RAPGEF6: variants seen among roughly 807,000 people sequenced by gnomAD.
RAPGEF6 encodes Rap guanine nucleotide exchange factor 6.
Under a neutral mutation model 171.4 loss-of-function variants are expected in RAPGEF6, and 56 were observed. The observed-to-expected ratio is 0.33, with a 90% CI of 0.26 to 0.41. RAPGEF6 has a LOEUF of 0.41. Among genes scored for constraint, RAPGEF6 ranks in the 10% least tolerant of loss-of-function variants. RAPGEF6 has a pLI of 1.00. For missense variants in RAPGEF6, 1,674 were observed against 1,921.4 expected, an observed-to-expected ratio of 0.87 and a Z score of 2.41; for synonymous variants, 692 against 650.1, an observed-to-expected ratio of 1.06 and a Z score of -0.98.
At chr5:131,521,651 A>G in intron 6 of RAPGEF6, 130 bp from the exon 7 acceptor site, 1 of 718,542 alleles carries the variant, frequency 1.4e-6, no homozygotes, top group Non-Finnish European at 2.1e-6. Context: ...CTCTACTTTC[A>G]GCAAAAAGAT....
chr5:131,484,866 G>A (rs763177991), intron 15 of RAPGEF6, among the ~76,000 whole-genome samples: 1 of 152,100 alleles, frequency 6.6e-6, no homozygotes, highest in Non-Finnish European at 1.5e-5. Flanking sequence ...TAGTATTTTA[G>A]TTTTCAAAAT....
intron 22 of RAPGEF6, among the ~76,000 whole-genome samples, chr5:131,445,863 T>C (rs1215412921): frequency 6.6e-6 from 1 of 152,184 alleles, no homozygotes; most frequent in African/African-American, 2.4e-5. Flanking sequence ...AGATGTACAA[T>C]TATTTTGTTA....
chr5:131,426,685 T>A lies in RAPGEF6; in HGVS notation c.*581A>T, dbSNP rs1024615594. Reference sequence around the variant, plus strand: ...CATTGGTGCTACAGATCAAGTCACATCTCTGTGTAGATCAAGCATATCACC... The same window carrying A: ...CATTGGTGCTACAGATCAAGTCACAACTCTGTGTAGATCAAGCATATCACC... On this transcript the variant is annotated 3_prime_UTR_variant, in exon 28 of 28. Transcript: ENST00000509018. 6.4e-6 allele frequency: 1 copy of A among 156,534 alleles called. No individual in the cohort carries two copies. The highest frequency in any genetic ancestry group is 1.4e-5 in the Non-Finnish European group (1 of 71,216). 9.7% of individuals were successfully genotyped at this position (156,534 alleles called of 1,614,324 possible).
chr5:131,597,994 T>C (rs1227251039), intron 3 of RAPGEF6, among the ~76,000 whole-genome samples: 1 of 152,056 alleles, frequency 6.6e-6, no homozygotes, highest in Admixed American at 6.6e-5. Flanking sequence ...ACAACTATAA[T>C]GTGTCGATTA....
intron 3 of RAPGEF6, among the ~76,000 whole-genome samples, chr5:131,599,219 C>T (rs1006975196): frequency 2.6e-5 from 4 of 151,954 alleles, no homozygotes; most frequent in African/African-American, 9.7e-5. Context: ...CCCAGCTACT[C>T]GGGAGGCTGA....
In RAPGEF6 at chr5:131,635,021, G is replaced by A. The variant is rs1352482682; in HGVS notation, c.10C>T (p.Pro4Ser). The A allele has an allele frequency of 5.0e-6, 8 of 1,611,684 alleles. No individual in the cohort carries two copies. The highest frequency in any genetic ancestry group is 1.3e-5 in the African/African-American group (1 of 75,024). The part of the protein sequence containing the change: MNS[P>S]VDPGARQALR... ...GCCTGCCTAGCGCCAGGGTCCACGG[G>A]TGAGTTCATGGCCACGGCCCGGGTA... The change falls in exon 1 of 28, where the codon CCC becomes TCC. Residue 4 changes from proline to serine, a missense_variant. Physicochemically the swap from Pro to Ser is moderately conservative, Grantham distance 74. Transcript: ENST00000509018.
chr5:131,510,782 C>T (rs1757666504), intron 7 of RAPGEF6, among the ~76,000 whole-genome samples: 1 of 152,042 alleles, frequency 6.6e-6, no homozygotes, highest in Non-Finnish European at 1.5e-5. Flanking sequence ...TGTTTTCCAC[C>T]CAACACTTGT....
intron 14 of RAPGEF6, among the ~76,000 whole-genome samples, chr5:131,490,809 A>T (rs1285336126): frequency 2.6e-5 from 4 of 152,236 alleles, no homozygotes; most frequent in Non-Finnish European, 5.9e-5. Flanking sequence ...AATAATGGGG[A>T]TATACAGTGC....
At chr5:131,539,174 G>A (rs1273743144) in intron 6 of RAPGEF6, among the ~76,000 whole-genome samples, 1 of 152,120 alleles carries the variant, frequency 6.6e-6, no homozygotes, top group East Asian at 1.9e-4. Context: ...GATTATCAAA[G>A]ATCCCATTTG....
intron 5 of RAPGEF6, among the ~76,000 whole-genome samples, chr5:131,555,838 G>T (rs1403070956): frequency 6.6e-6 from 1 of 152,054 alleles, no homozygotes; most frequent in Non-Finnish European, 1.5e-5. Flanking sequence ...ATAAGGATAC[G>T]TTCTGAGAAA....
chr5:131,578,353 T>G (rs1762726799), intron 4 of RAPGEF6, among the ~76,000 whole-genome samples: 1 of 152,192 alleles, frequency 6.6e-6, no homozygotes, highest in Admixed American at 6.5e-5. Flanking sequence ...CCTTTCTTCC[T>G]GCTCTTACAC....
At chr5:131,492,894 T>G (rs1756378467) in intron 13 of RAPGEF6, 109 bp from the exon 14 acceptor site, 1 of 1,065,088 alleles carries the variant, frequency 9.4e-7, no homozygotes, top group Non-Finnish European at 1.4e-6. Flanking sequence ...ATGTATAAGC[T>G]GAGGTAAACA....
chr5:131,625,187 G>A (rs1019271495), intron 1 of RAPGEF6, among the ~76,000 whole-genome samples: 4 of 152,150 alleles, frequency 2.6e-5, no homozygotes, highest in Non-Finnish European at 5.9e-5. Context: ...CCTTGAACCC[G>A]GGAGGCAGAG....
intron 24 of RAPGEF6, chr5:131,435,806 A>C (rs191450354): frequency 5.7e-5 from 78 of 1,369,414 alleles, no homozygotes; most frequent in Admixed American, 2.1e-4. Flanking sequence ...AAAATAACTT[A>C]TGTACAAATG....
intron 6 of RAPGEF6, among the ~76,000 whole-genome samples, chr5:131,542,048 A>G (rs891108336): frequency 1.1e-3 from 169 of 152,344 alleles, no homozygotes; most frequent in Admixed American, 3.3e-4. Context: ...TTGGACAAAG[A>G]AATTACTTGT....
At chr5:131,455,350 C>T (rs532951794) in intron 20 of RAPGEF6, among the ~76,000 whole-genome samples, 30 of 152,310 alleles carry the variant, frequency 2.0e-4, no homozygotes, top group Non-Finnish European at 3.4e-4. Context: ...GCTCCGCCTC[C>T]CGGGCTCCTG....
chr5:131,457,159 T>C (rs1270011172), intron 19 of RAPGEF6, among the ~76,000 whole-genome samples: 1 of 152,148 alleles, frequency 6.6e-6, no homozygotes, highest in South Asian at 2.1e-4. Context: ...CCTCCCAGGG[T>C]CAAGTGATTC....
chr5:131,497,376 ATC>A (rs1756705119), intron 12 of RAPGEF6, among the ~76,000 whole-genome samples: 1 of 152,138 alleles, frequency 6.6e-6, no homozygotes, highest in Non-Finnish European at 1.5e-5. Context: ...AGGTCCAATT[ATC>A]TCTTTTTTCT....
intron 4 of RAPGEF6, among the ~76,000 whole-genome samples, chr5:131,576,577 G>C (rs1039984883): frequency 2.0e-5 from 3 of 152,116 alleles, no homozygotes; most frequent in African/African-American, 7.2e-5. Flanking sequence ...GGCATCAAAG[G>C]TCACCAGATC....
Sources: gnomAD v4.1 joint callset for allele counts (sites outside exome capture counted in the v4.1 genomes callset) on GRCh38, gnomAD v4.1.1 for gene constraint, MANE v1.5 for transcripts, NCBI Gene and HGNC (gene_info 2026-07-23, HGNC 2026-07-21) for gene names.